PCDHGA7: variants seen among roughly 807,000 people sequenced by gnomAD.
PCDHGA7 encodes the protein protocadherin gamma subfamily A, 7.
A neutral mutation model predicts 58.3 loss-of-function variants in PCDHGA7; 44 were observed. The ratio of observed to expected loss-of-function variants is 0.75; its 90% CI spans 0.59 to 0.97. The LOEUF (loss-of-function observed/expected upper bound fraction) is 0.97. PCDHGA7 is among the 50% of genes least tolerant of loss of function. PCDHGA7 has a pLI of 0.00. For missense variants in PCDHGA7, 1,266 were observed against 1,188.7 expected (o/e 1.06, Z -0.96); for synonymous variants, 516 against 504.2 (o/e 1.02, Z -0.31).
intron 1 of PCDHGA7, chr5:141,398,456 C>A (rs1262009079): frequency 6.3e-7 from 1 of 1,590,134 alleles, no homozygotes; most frequent in Non-Finnish European, 8.6e-7. Context: ...GAGGCTGTTG[C>A]TGAAAATCCA....
chr5:141,504,561 T>G (rs1023434942), intron 2 of PCDHGA7, among the ~76,000 whole-genome samples: 1 of 150,052 alleles, frequency 6.7e-6, no homozygotes, highest in Non-Finnish European at 1.5e-5. Context: ...GGGACTGGCA[T>G]TCTAGGGAAC....
intron 1 of PCDHGA7, among the ~76,000 whole-genome samples, chr5:141,464,723 T>A (rs1166321691): frequency 6.6e-6 from 1 of 152,156 alleles, no homozygotes; most frequent in Non-Finnish European, 1.5e-5. Flanking sequence ...TTTCATATGT[T>A]TAAAAGCCAG....
At position 141,505,383 on chromosome 5, in the gene PCDHGA7, C is replaced by G. The variant is rs369765886; in HGVS notation, c.2484-10C>G. On this transcript the variant is annotated splice_polypyrimidine_tract_variant and intron_variant, in intron 2 of 3. Transcript: ENST00000518325. ...GGGAGTCTGTGCTCACCATCCTACT[C>G]TCTCCCCAGCTCCCAAAATGGCGAT... The G allele has an allele frequency of 6.2e-7, 1 of 1,613,944 alleles. No homozygotes were observed. The highest frequency in any genetic ancestry group is 1.3e-5 in the African/African-American group (1 of 74,914).
At chr5:141,462,271 G>C (rs2099036316) in intron 1 of PCDHGA7, among the ~76,000 whole-genome samples, 1 of 152,174 alleles carries the variant, frequency 6.6e-6, no homozygotes, top group African/African-American at 2.4e-5. Context: ...AAAGTGTATT[G>C]TTTAGTCACC....
At chr5:141,392,229 TTC>T (rs1184019586) in intron 1 of PCDHGA7, 5 of 152,224 alleles carry the variant, frequency 3.3e-5, no homozygotes, top group Admixed American at 6.5e-5. Context: ...ACAACTGAAG[TTC>T]TTAGTTATTT....
chr5:141,476,123 C>G lies in PCDHGA7; in HGVS notation c.2425-18684C>G. Reference sequence around the variant, plus strand: ...GGAACTGCTTTTGAGTGAGATGGTCCCAGAGGCCTGGAGGAGCGGACTGGT... The same window carrying G: ...GGAACTGCTTTTGAGTGAGATGGTCGCAGAGGCCTGGAGGAGCGGACTGGT... On this transcript the variant is annotated intron_variant, in intron 1 of 3. Coordinates refer to ENST00000518325, the MANE Select transcript of PCDHGA7 (RefSeq NM_018920.4). This position sits in a 1 kb window ranked among gnomAD's most constrained non-coding sequence, Gnocchi z 7.6. 1 of 1,602,442 alleles carries G rather than the reference C, an allele frequency of 6.2e-7. No individual in the cohort carries two copies. The highest frequency in any genetic ancestry group is 8.5e-7 in the Non-Finnish European group (1 of 1,176,022).
At chr5:141,497,665 G>A (rs1011161465) in intron 2 of PCDHGA7, among the ~76,000 whole-genome samples, 3 of 151,348 alleles carry the variant, frequency 2.0e-5, no homozygotes, top group South Asian at 2.1e-4. Flanking sequence ...TCAGCCTCCC[G>A]AGTAGCTGGG....
chr5:141,485,689 G>A lies in PCDHGA7; in HGVS notation c.2425-9118G>A. On this transcript the variant is annotated intron_variant, in intron 1 of 3. Transcript: ENST00000518325. This position sits in a 1 kb window ranked among gnomAD's most constrained non-coding sequence, Gnocchi z 5.7. ...GCAATTCGATTAGCAGCTATAGGCT[G>A]AGCTCCAATGAACACTTTGCACTGG... The A allele has an allele frequency of 6.2e-7, 1 of 1,614,086 alleles. No individual in the cohort carries two copies. The highest frequency in any genetic ancestry group is 8.5e-7 in the Non-Finnish European group (1 of 1,179,970).
intron 1 of PCDHGA7, among the ~76,000 whole-genome samples, chr5:141,459,334 A>G (rs987526492): frequency 5.9e-5 from 9 of 152,116 alleles, no homozygotes; most frequent in Admixed American, 1.3e-4. Flanking sequence ...TTTTACTCCA[A>G]AGTTCTTGAA....
At chr5:141,464,035 C>T (rs564886798) in intron 1 of PCDHGA7, among the ~76,000 whole-genome samples, 1 of 152,066 alleles carries the variant, frequency 6.6e-6, no homozygotes, top group African/African-American at 2.4e-5. Context: ...GAGGCCAAGG[C>T]GGGTGGATCA....
chr5:141,432,700 G>A lies in PCDHGA7; in HGVS notation c.2424+47377G>A. On this transcript the variant is annotated intron_variant, in intron 1 of 3. Transcript: ENST00000518325. The surrounding 1 kb of genome is among the most constrained non-coding windows in gnomAD (Gnocchi z 6.0). ...AGCAGAGCCTCGTAGTGGCCGTCCAGGACCACGGCCAGCCCCCTCTCTCCG... is the reference window on the plus strand; with the variant it reads ...AGCAGAGCCTCGTAGTGGCCGTCCAAGACCACGGCCAGCCCCCTCTCTCCG... The A allele has an allele frequency of 6.2e-7, 1 of 1,613,980 alleles. No individual in the cohort carries two copies. The highest frequency in any genetic ancestry group is 8.5e-7 in the Non-Finnish European group (1 of 1,179,978).
At chr5:141,419,034 T>C in intron 1 of PCDHGA7, 1 of 1,613,902 alleles carries the variant, frequency 6.2e-7, no homozygotes, top group Non-Finnish European at 8.5e-7. Flanking sequence ...GGTGTTCCAT[T>C]TAAGATTCAT....
intron 1 of PCDHGA7, among the ~76,000 whole-genome samples, chr5:141,402,436 A>G (rs1441746239): frequency 2.6e-5 from 4 of 152,178 alleles, no homozygotes; most frequent in African/African-American, 9.6e-5. Flanking sequence ...GCATCATAAA[A>G]AGGAAATTAT....
chr5:141,389,281 G>A (rs768749414), intron 1 of PCDHGA7: 3 of 1,614,012 alleles, frequency 1.9e-6, no homozygotes, highest in South Asian at 2.2e-5. Context: ...AACCCGCCTG[G>A]AGCCTCTATT....
rs1048686904 is a variant in PCDHGA7, at chr5:141,410,286, C to T, written c.2424+24963C>T. 3.7e-6 allele frequency: 6 copies of T among 1,613,916 alleles called. No homozygotes were observed. The African/African-American group carries it at 6.7e-5, about 18-fold the overall frequency. On this transcript the variant is annotated intron_variant, in intron 1 of 3. Transcript: ENST00000518325. Reference sequence around the variant, plus strand: ...GAACTGCAGTTTTACCTGGTGGTGGCCTTGGCCTTAATCTCAGTGCTCTTC... The same window carrying T: ...GAACTGCAGTTTTACCTGGTGGTGGTCTTGGCCTTAATCTCAGTGCTCTTC...
rs926009065 is a variant in PCDHGA7, at chr5:141,488,023, AG to A, written c.2425-6782del. ...TCAGATTCTGAAGTACCTTAACTCT[AG>A]GTTACCATTTCCCAAGGGATTGAGG... On this transcript the variant is annotated intron_variant, in intron 1 of 3. Transcript: ENST00000518325. 1.4e-3 allele frequency among the ~76,000 whole-genome samples: 213 copies of A among 152,260 alleles called. 1 individual carries two copies. The highest frequency in any genetic ancestry group is 5.0e-3 in the African/African-American group (208 of 41,542).
At chr5:141,389,843 G>T (rs372102656) in intron 1 of PCDHGA7, 3 of 1,614,016 alleles carry the variant, frequency 1.9e-6, no homozygotes, top group Non-Finnish European at 2.5e-6. Context: ...CACCACTCTC[G>T]GCCACTGCCA....
Position 141,383,651 on chromosome 5 carries a change from T to TC in PCDHGA7, c.756dup (p.Glu253ArgfsTer35). ...TCTCTGCCTCAGTACCAAGTAACTG[T>TC]CCCCGAGAATGTGCCAGTGGGTACA... On this transcript the variant is annotated frameshift_variant, in exon 1 of 4. Transcript: ENST00000518325. LOFTEE classifies it high-confidence loss of function. 6.2e-7 allele frequency: 1 copy of TC among 1,613,922 alleles called. No individual in the cohort carries two copies. Among genetic ancestry groups the TC allele is most frequent in the Non-Finnish European group, 8.5e-7 (1 of 1,179,878 alleles).
intron 1 of PCDHGA7, among the ~76,000 whole-genome samples, chr5:141,469,522 C>T (rs1409427974): frequency 2.6e-5 from 4 of 152,088 alleles, no homozygotes; most frequent in African/African-American, 9.7e-5. Flanking sequence ...TTGCAGTGAG[C>T]CAAGATTGTG....
Sources: gnomAD v4.1 joint callset for allele counts (sites outside exome capture counted in the v4.1 genomes callset) on GRCh38, gnomAD v4.1.1 for gene constraint, Gnocchi (gnomAD v3.1) non-coding constraint, MANE v1.5 for transcripts, NCBI Gene and HGNC (gene_info 2026-07-23, HGNC 2026-07-21) for gene names.